The following SLFN5 variants were observed in gnomAD, a reference collection of about 807,000 sequenced individuals.
SLFN5 encodes the protein schlafen family member 5.
A neutral mutation model predicts 48.5 loss-of-function variants in SLFN5; 34 were observed. That is an observed-to-expected ratio of 0.70 (90% confidence interval 0.53 to 0.93). The LOEUF (loss-of-function observed/expected upper bound fraction) is 0.93, where lower values mean the gene tolerates loss of function less well. SLFN5 is among the 40% of genes least tolerant of loss of function. SLFN5 has a pLI of 0.00. For missense variants in SLFN5, 1,006 were observed against 1,071.3 expected, an observed-to-expected ratio of 0.94 and a Z score of 0.85; for synonymous variants, 387 against 396.2, an observed-to-expected ratio of 0.98 and a Z score of 0.28.
At chr17:35,263,826 A>AT (rs1904591325) in intron 3 of SLFN5, among the ~76,000 whole-genome samples, 1 of 137,224 alleles carries the variant, frequency 7.3e-6, no homozygotes, top group Admixed American at 7.4e-5. Context: ...AAAAAAAAAA[A>AT]GAAGAAGAAA....
intron 3 of SLFN5, among the ~76,000 whole-genome samples, chr17:35,262,131 A>G (rs1406416562): frequency 6.6e-6 from 1 of 152,146 alleles, no homozygotes; most frequent in East Asian, 1.9e-4. Context: ...CTGTAATCCC[A>G]GAGCTTTGGG....
intron 1 of SLFN5, among the ~76,000 whole-genome samples, chr17:35,246,571 T>C (rs1206749426): frequency 2.0e-5 from 3 of 152,204 alleles, no homozygotes; most frequent in Non-Finnish European, 4.4e-5. Context: ...ATTGTGCATC[T>C]AGGCCAGGTG....
At position 35,265,400 on chromosome 17, in the gene SLFN5, C is replaced by G. The variant is rs754157271; in HGVS notation, c.2188C>G (p.Arg730Gly). The G allele has an allele frequency of 1.2e-6, 2 of 1,614,012 alleles. No individual in the cohort carries two copies. Among genetic ancestry groups the G allele is most frequent in the East Asian group, 2.2e-5 (1 of 44,898 alleles). Residue 730 changes from arginine (R) to glycine (G), a missense_variant, in exon 5 of 5, where the codon CGA becomes GGA. By Grantham distance (125) the Arg-to-Gly change is moderately radical (BLOSUM62 -2). Coordinates refer to ENST00000299977, the MANE Select transcript of SLFN5 (RefSeq NM_144975.4). ...CCTACAACAAGTAATGCAGGAAGCC[C>G]GACAAAATCCTCCACCTAACCTCCC... ...NYLQQVMQEA[R>G]QNPPPNLPPG... is the part of the protein sequence containing the mutation.
At position 35,272,189 on chromosome 17, in the gene SLFN5, G is replaced by A. The variant is rs887317399; in HGVS notation, c.*6301G>A. 1 of 152,082 alleles carries A rather than the reference G, an allele frequency of 6.6e-6. No individual in the cohort carries two copies. Among genetic ancestry groups the A allele is most frequent in the African/African-American group, 2.4e-5 (1 of 41,408 alleles). 9.4% of individuals were successfully genotyped at this position (152,082 alleles called of 1,614,324 possible). A position where few individuals can be genotyped will look rare whatever the true frequency, so the allele number is the denominator to read the frequency against. On this transcript the variant is annotated 3_prime_UTR_variant, in exon 5 of 5. Transcript: ENST00000299977. ...GGTGCTGATATGTGGAGGGTCAATG[G>A]AACAAGATGAAATGGCCAAAAATAA...
chr17:35,245,074 G>A (rs2092427662), intron 1 of SLFN5, among the ~76,000 whole-genome samples: 1 of 152,198 alleles, frequency 6.6e-6, no homozygotes. Context: ...CCTAAAACCA[G>A]ATGCCTGAAA....
Position 35,259,518 on chromosome 17 carries a change from TG to T in SLFN5, c.829del (p.Val277SerfsTer39). ...GCACACAGAGGCCTGAGATAAAATA[TG>T]TCCTTAACTTCCTTGAAGTGCATGA... ...FCTQRPEIKYVLNFLEVHDKG... is the reference protein window; with the variant it reads ...FCTQRPEIKYXLNFLEVHDKG... On this transcript the variant is annotated frameshift_variant, in exon 2 of 5. Coordinates refer to ENST00000299977, the MANE Select transcript of SLFN5 (RefSeq NM_144975.4). LOFTEE classifies it high-confidence loss of function. 6.2e-7 allele frequency: 1 copy of T among 1,614,204 alleles called. No individual in the cohort carries two copies. Among genetic ancestry groups the T allele is most frequent in the Non-Finnish European group, 8.5e-7 (1 of 1,180,034 alleles).
chr17:35,264,194 A>G lies in SLFN5; in HGVS notation c.1150A>G (p.Arg384Gly). 1 of 1,586,946 alleles carries G rather than the reference A, an allele frequency of 6.3e-7. No homozygotes were observed. The highest frequency in any genetic ancestry group is 1.2e-5 in the South Asian group (1 of 86,858). The change falls in exon 4 of 5, where the codon AGA (arginine) becomes GGA (glycine). Residue 384 changes from arginine (R) to glycine (G), a missense_variant. Transcript: ENST00000299977. ...QKRYFPVFSD[R>G]VVYTPESLYK... ...CTTTCCCTGTCTAGTATTTTCAGACAGAGTGGTATATACTCCAGAAAGCCT... is the reference window on the plus strand; with the variant it reads ...CTTTCCCTGTCTAGTATTTTCAGACGGAGTGGTATATACTCCAGAAAGCCT...
In SLFN5 at chr17:35,264,711, T is replaced by G; in HGVS notation, c.1667T>G (p.Leu556Arg). The G allele has an allele frequency of 1.2e-6, 2 of 1,608,296 alleles. No individual in the cohort carries two copies. The highest frequency in any genetic ancestry group is 8.5e-7 in the Non-Finnish European group (1 of 1,178,094). Reference protein sequence around the residue: ...EELGSEVLNLLTNKQYELLSK... With the variant: ...EELGSEVLNLRTNKQYELLSK... ...CTGGGCTCTGAGGTTTTGAACCTAC[T>G]GACAAATAAACAGTATGAGTTGCTT... is the stretch of plus-strand genomic sequence containing the variant. Residue 556 changes from leucine (L) to arginine (R), a missense_variant, in exon 4 of 5, where the codon CTG becomes CGG. Leu to Arg is a moderately radical substitution (Grantham distance 102, BLOSUM62 -2). Transcript: ENST00000299977.
At chr17:35,255,705 C>T (rs1460919049) in intron 1 of SLFN5, among the ~76,000 whole-genome samples, 1 of 152,124 alleles carries the variant, frequency 6.6e-6, no homozygotes, top group Non-Finnish European at 1.5e-5. Context: ...GTATACCACA[C>T]ATACAACAGA....
chr17:35,260,088 T>C lies in SLFN5; in HGVS notation c.1012+386T>C, dbSNP rs150704701. Among the ~76,000 whole-genome samples the C allele has an allele frequency of 5.0e-3, 761 of 152,354 alleles. 4 individuals are homozygous for C. Among genetic ancestry groups the C allele is most frequent in the Non-Finnish European group, 5.5e-3 (376 of 68,028 alleles). On this transcript the variant is annotated intron_variant, in intron 2 of 4. Coordinates refer to ENST00000299977, the MANE Select transcript of SLFN5 (RefSeq NM_144975.4). ...TTTTCACATGTACAGATGTGTCCAC[T>C]TTAATTTACTGCCACTTTCCTCTGA...
rs1904745340 is a variant in SLFN5, at chr17:35,268,024, T to C, written c.*2136T>C. The C allele has an allele frequency of 6.6e-6, 1 of 152,220 alleles. No individual in the cohort carries two copies. Among genetic ancestry groups the C allele is most frequent in the Non-Finnish European group, 1.5e-5 (1 of 68,038 alleles). The allele number at this position is 152,220 out of a possible 1,614,324, so 9.4% of individuals were successfully genotyped here. A position where few individuals can be genotyped will look rare whatever the true frequency, so the allele number is the denominator to read the frequency against. On this transcript the variant is annotated 3_prime_UTR_variant, in exon 5 of 5. Transcript: ENST00000299977. The stretch of plus-strand genomic sequence containing the variant: ...AATGAAGGGGGCTGTGTCTTATTCC[T>C]GGATGCTTTGCCTCCTTCATGGAAT...
Position 35,271,213 on chromosome 17 carries a change from C to G in SLFN5, c.*5325C>G, listed in dbSNP as rs76943997. 2.6e-5 allele frequency: 4 copies of G among 152,200 alleles called. No homozygotes were observed. The East Asian group carries it at 7.7e-4, about 29-fold the overall frequency. 9.4% of individuals were successfully genotyped at this position (152,200 alleles called of 1,614,324 possible). A position where few individuals can be genotyped will look rare whatever the true frequency, so the allele number is the denominator to read the frequency against. ...TGTACTTATAGTATTCATCTTCATACAGGGATGGACTATAAGTGATTTTTA... is the reference window on the plus strand; with the variant it reads ...TGTACTTATAGTATTCATCTTCATAGAGGGATGGACTATAAGTGATTTTTA... On this transcript the variant is annotated 3_prime_UTR_variant, in exon 5 of 5. Transcript: ENST00000299977.
chr17:35,265,809 C>T lies in SLFN5; in HGVS notation c.2597C>T (p.Pro866Leu), dbSNP rs761571205. Residue 866 changes from proline (P) to leucine (L), a missense_variant, in exon 5 of 5, where the codon CCG becomes CTG. Transcript: ENST00000299977. ...VFGINPGVAP[P>L]AGAYNLLLCL... is the part of the protein sequence containing the mutation. ...GGAATCAATCCAGGAGTAGCCCCAC[C>T]GGCTGGGGCCTACAATCTTCTGCTC... The T allele has an allele frequency of 3.7e-6, 6 of 1,614,158 alleles. No individual in the cohort carries two copies. The highest frequency in any genetic ancestry group is 5.1e-6 in the Non-Finnish European group (6 of 1,180,038).
At chr17:35,254,834 T>C (rs552844764) in intron 1 of SLFN5, among the ~76,000 whole-genome samples, 2 of 152,258 alleles carry the variant, frequency 1.3e-5, no homozygotes, top group East Asian at 1.9e-4. Flanking sequence ...CTGGCTAACA[T>C]GGCGAAACCC....
At position 35,264,829 on chromosome 17, in the gene SLFN5, C is replaced by T. The variant is rs888376929; in HGVS notation, c.1785C>T (p.Ile595=). The change falls in exon 4 of 5, where the codon ATC becomes ATT. Residue 595 remains isoleucine, a synonymous_variant. Transcript: ENST00000299977. ...TILALRIMEK[I]RNVFHCEPAN... is the part of the protein sequence containing the mutation. ...TGGCTCTTAGGATCATGGAGAAGAT[C>T]AGGAATGTGTTTCACTGTGAACCGG... The T allele has an allele frequency of 6.3e-7, 1 of 1,595,510 alleles. No individual in the cohort carries two copies. Among genetic ancestry groups the T allele is most frequent in the Middle Eastern group, 1.7e-4 (1 of 5,950 alleles).
rs544141414 is a variant in SLFN5 at position 35,266,169 on chromosome 17, T to C, written c.*281T>C. 3.7e-3 allele frequency: 1,048 copies of C among 280,460 alleles called. 8 individuals are homozygous for C. The highest frequency in any genetic ancestry group is 0.024 in the African/African-American group (980 of 41,198). The allele number at this position is 280,460 out of a possible 1,614,324, so 17.4% of individuals were successfully genotyped here. A position where few individuals can be genotyped will look rare whatever the true frequency, so the allele number is the denominator to read the frequency against. ...GTGTGTGTGTGTGTGTGTGTGTGTGTGTGTGTGTGCGCGCGCGCACGTGCA... is the reference window on the plus strand; with the variant it reads ...GTGTGTGTGTGTGTGTGTGTGTGTGCGTGTGTGTGCGCGCGCGCACGTGCA... On this transcript the variant is annotated 3_prime_UTR_variant, in exon 5 of 5. Coordinates refer to ENST00000299977, the MANE Select transcript of SLFN5 (RefSeq NM_144975.4).
At chr17:35,243,440 C>G (rs1385948443) in intron 1 of SLFN5, among the ~76,000 whole-genome samples, 1 of 152,226 alleles carries the variant, frequency 6.6e-6, no homozygotes, top group Non-Finnish European at 1.5e-5. Flanking sequence ...CAAACCAAAC[C>G]TGGCAACATT....
In SLFN5 at chr17:35,264,852, C is replaced by A. The variant is rs769910973; in HGVS notation, c.1808C>A (p.Pro603Gln). ...ATCAGGAATGTGTTTCACTGTGAAC[C>A]GGCTAACATTCTCTACATCTGTGAA... ...EKIRNVFHCE[P>Q]ANILYICENQ... Residue 603 changes from proline (P) to glutamine (Q), a missense_variant, in exon 4 of 5, where the codon CCG (proline) becomes CAG (glutamine). Coordinates refer to ENST00000299977, the MANE Select transcript of SLFN5 (RefSeq NM_144975.4). 1.3e-6 allele frequency: 2 copies of A among 1,590,840 alleles called. No individual in the cohort carries two copies. Among genetic ancestry groups the A allele is most frequent in the Non-Finnish European group, 1.7e-6 (2 of 1,171,448 alleles).
intron 1 of SLFN5, among the ~76,000 whole-genome samples, chr17:35,250,819 T>C (rs1373945068): frequency 1.3e-5 from 2 of 152,178 alleles, no homozygotes; most frequent in Admixed American, 6.5e-5. Context: ...AGAAGGGACA[T>C]AAAATTTTTA....
Sources: allele counts gnomAD v4.1 joint callset (sites outside exome capture counted in the v4.1 genomes callset), GRCh38; gene constraint gnomAD v4.1.1; transcripts MANE v1.5; gene names NCBI Gene and HGNC (gene_info 2026-07-23, HGNC 2026-07-21).